Variants in PCDHA9 observed in about 807,000 individuals in gnomAD.
PCDHA9 encodes protocadherin alpha 9.
PCDHA9 carries 62 observed loss-of-function variants against 62.0 expected under a neutral mutation model. That is an observed-to-expected ratio of 1.00 (90% confidence interval 0.81 to 1.23). PCDHA9 has a LOEUF of 1.23. Ranked by LOEUF, PCDHA9 falls within the 50% of genes most tolerant of loss-of-function variation. PCDHA9 has a pLI of 0.00. For missense variants in PCDHA9, 1,205 were observed against 1,249.8 expected (o/e 0.96, Z 0.54); for synonymous variants, 557 against 567.6 (o/e 0.98, Z 0.27).
At chr5:140,978,914 C>T (rs2096828574) in intron 1 of PCDHA9, 35 bp from the exon 2 acceptor site, 5 of 1,613,852 alleles carry the variant, frequency 3.1e-6, no homozygotes, top group Non-Finnish European at 3.4e-6. Flanking sequence ...ATTGTCTTGT[C>T]ATTTTAACAG....
intron 1 of PCDHA9, chr5:140,875,337 A>C (rs2055422229): frequency 1.6e-5 from 23 of 1,440,366 alleles, no homozygotes; most frequent in Non-Finnish European, 1.7e-5. Context: ...AATAGGATCG[A>C]CTCCATAATG....
chr5:140,880,381 A>C (rs2058322833), intron 1 of PCDHA9, among the ~76,000 whole-genome samples: 1 of 152,196 alleles, frequency 6.6e-6, no homozygotes, highest in Admixed American at 6.5e-5. Context: ...GAGAATAGAA[A>C]ATAATTTTTA....
At chr5:140,922,565 C>G (rs1334011438) in intron 1 of PCDHA9, among the ~76,000 whole-genome samples, 1 of 152,150 alleles carries the variant, frequency 6.6e-6, no homozygotes, top group Non-Finnish European at 1.5e-5. Context: ...GTCAGGATGA[C>G]AAGTTGCCCT....
intron 1 of PCDHA9, among the ~76,000 whole-genome samples, chr5:140,938,157 G>A (rs532966795): frequency 6.6e-6 from 1 of 151,904 alleles, no homozygotes; most frequent in East Asian, 1.9e-4. Context: ...CATTGCCCAG[G>A]CTAGTCTGGA....
rs1311256758 is a variant in PCDHA9 at position 140,857,805 on chromosome 5, C to A, written c.2394+6916C>A. 13 of 1,597,714 alleles carry A rather than the reference C, an allele frequency of 8.1e-6. 1 individual carries two copies. The highest frequency in any genetic ancestry group is 1.7e-5 in the Admixed American group (1 of 59,256). On this transcript the variant is annotated intron_variant, in intron 1 of 3. Transcript: ENST00000532602. ...GAGCTGGTGCTGCGGTCGGTGGTTG[C>A]GGGTCACGTGGTGGCTAAGGTGCGC... is the stretch of plus-strand genomic sequence containing the variant.
At position 141,011,699 on chromosome 5, in the gene PCDHA9, A is replaced by G. The variant is rs537913184; in HGVS notation, c.*1762A>G. 6.5e-6 allele frequency: 1 copy of G among 153,890 alleles called. No homozygotes were observed. Among genetic ancestry groups the G allele is most frequent in the African/African-American group, 2.4e-5 (1 of 41,578 alleles). 9.5% of individuals were successfully genotyped at this position (153,890 alleles called of 1,614,324 possible). A position where few individuals can be genotyped will look rare whatever the true frequency, so the allele number is the denominator to read the frequency against. ...TTGTTCTAGTAACAATTTTGGAATG[A>G]ATACTGACAATATTCCATGAGGGTG... On this transcript the variant is annotated 3_prime_UTR_variant, in exon 4 of 4. Coordinates refer to ENST00000532602, the MANE Select transcript of PCDHA9 (RefSeq NM_031857.2).
At chr5:140,897,175 G>A (rs1293904744) in intron 1 of PCDHA9, among the ~76,000 whole-genome samples, 3 of 151,828 alleles carry the variant, frequency 2.0e-5, no homozygotes, top group Admixed American at 6.6e-5. Flanking sequence ...ATCTCCATGG[G>A]TTCAAAAAAT....
intron 3 of PCDHA9, among the ~76,000 whole-genome samples, chr5:140,990,479 G>A (rs1227837227): frequency 3.3e-5 from 5 of 152,184 alleles, no homozygotes; most frequent in Non-Finnish European, 5.9e-5. Context: ...GTATCAAGCT[G>A]AATAGTGAGG....
chr5:140,857,042 C>A, intron 1 of PCDHA9: 1 of 1,595,550 alleles, frequency 6.3e-7, no homozygotes, highest in South Asian at 1.1e-5. Flanking sequence ...TATGGTTGGT[C>A]ACTGCACGGT....
At chr5:140,981,533 C>A (rs1045779820) in intron 2 of PCDHA9, among the ~76,000 whole-genome samples, 9 of 152,154 alleles carry the variant, frequency 5.9e-5, no homozygotes, top group African/African-American at 2.2e-4. Context: ...GAGATCGTGC[C>A]ACTGTACTCC....
chr5:140,968,124 G>A (rs202202452), intron 1 of PCDHA9: 59 of 1,614,008 alleles, frequency 3.7e-5, no homozygotes, highest in Non-Finnish European at 4.7e-5. Flanking sequence ...ACATCCCTGC[G>A]TACACTGAAG....
intron 1 of PCDHA9, among the ~76,000 whole-genome samples, chr5:140,887,879 A>G (rs956379948): frequency 1.3e-5 from 2 of 152,154 alleles, no homozygotes; most frequent in South Asian, 4.1e-4. Context: ...TTCCTTTTGT[A>G]GTATCATATC....
At chr5:140,914,710 G>T (rs879987412) in intron 1 of PCDHA9, among the ~76,000 whole-genome samples, 22 of 151,256 alleles carry the variant, frequency 1.5e-4, no homozygotes, top group Non-Finnish European at 2.4e-4. Flanking sequence ...TTAATTTCTT[G>T]TTTTTTATTT....
At chr5:140,910,095 C>T (rs1011405673) in intron 1 of PCDHA9, among the ~76,000 whole-genome samples, 1 of 152,188 alleles carries the variant, frequency 6.6e-6, no homozygotes, top group Non-Finnish European at 1.5e-5. Flanking sequence ...GAACCAGCCT[C>T]CCCTTCATTT....
At position 140,853,802 on chromosome 5, in the gene PCDHA9, G is replaced by T. The variant is rs10054866; in HGVS notation, c.2394+2913G>T. The T allele has an allele frequency of 3.5e-3, 3,416 of 986,938 alleles. 247 individuals are homozygous for T. The African/African-American group carries it at 0.056, about 16-fold the overall frequency. 61.1% of individuals were successfully genotyped at this position (986,938 alleles called of 1,614,324 possible). Reference sequence around the variant, plus strand: ...AGTAAGAGCAAATTTTCATTTTAAAGCACACCTGAGATGATTCTCATACAA... The same window carrying T: ...AGTAAGAGCAAATTTTCATTTTAAATCACACCTGAGATGATTCTCATACAA... On this transcript the variant is annotated intron_variant, in intron 1 of 3. Coordinates refer to ENST00000532602, the MANE Select transcript of PCDHA9 (RefSeq NM_031857.2).
Position 140,850,365 on chromosome 5 carries a change from G to C in PCDHA9, c.1870G>C (p.Val624Leu). 6.3e-7 allele frequency: 1 copy of C among 1,597,962 alleles called. No homozygotes were observed. Among genetic ancestry groups the C allele is most frequent in the Middle Eastern group, 1.7e-4 (1 of 5,948 alleles). The change falls in exon 1 of 4, where the codon GTG becomes CTG. Residue 624 changes from valine (V) to leucine (L), a missense_variant. Coordinates refer to ENST00000532602, the MANE Select transcript of PCDHA9 (RefSeq NM_031857.2). Reference sequence around the variant, plus strand: ...GGCCAGCGCGAGCATCCCGTTCCGCGTGGGGCTGTACACGGGCGAGATCAG... The same window carrying C: ...GGCCAGCGCGAGCATCCCGTTCCGCCTGGGGCTGTACACGGGCGAGATCAG... ...ETASASIPFR[V>L]GLYTGEISTT...
chr5:140,855,802 G>A (rs1329894390), intron 1 of PCDHA9: 2 of 477,954 alleles, frequency 4.2e-6, no homozygotes, highest in East Asian at 6.4e-5. Flanking sequence ...ACATATGAAT[G>A]AAAGAAAAGT....
chr5:140,955,956 G>C (rs2095241724), intron 1 of PCDHA9, among the ~76,000 whole-genome samples: 1 of 152,050 alleles, frequency 6.6e-6, no homozygotes, highest in Admixed American at 6.6e-5. Flanking sequence ...CTTGCTTGTT[G>C]TTTGTGCATA....
intron 3 of PCDHA9, among the ~76,000 whole-genome samples, chr5:140,996,661 G>A (rs1554255301): frequency 6.6e-6 from 1 of 152,194 alleles, no homozygotes; most frequent in Admixed American, 6.5e-5. Context: ...GTGCAGGCTA[G>A]TTTTTGAACC....
Sources: allele counts gnomAD v4.1 joint callset (sites outside exome capture counted in the v4.1 genomes callset), GRCh38; gene constraint gnomAD v4.1.1; transcripts MANE v1.5; gene names NCBI Gene and HGNC (gene_info 2026-07-23, HGNC 2026-07-21).